Variants in C4BPA observed in about 807,000 individuals in gnomAD.
C4BPA encodes complement component 4 binding protein alpha, also known as C4b-binding protein alpha chain.
In C4BPA, 31 loss-of-function variants were observed where a neutral mutation model predicts 63.7. The ratio of observed to expected loss-of-function variants is 0.49; its 90% CI spans 0.37 to 0.66. The LOEUF (loss-of-function observed/expected upper bound fraction) is 0.66. Ranked by LOEUF, C4BPA falls within the 30% of genes least tolerant of loss-of-function variation. The pLI is 0.00. For missense variants in C4BPA, 572 were observed against 723.3 expected, an observed-to-expected ratio of 0.79 and a Z score of 2.40; for synonymous variants, 259 against 254.7, an observed-to-expected ratio of 1.02 and a Z score of -0.16.
At chr1:207,110,116 G>A (rs1305280760) in intron 1 of C4BPA, among the ~76,000 whole-genome samples, 3 of 152,228 alleles carry the variant, frequency 2.0e-5, no homozygotes, top group Non-Finnish European at 4.4e-5. Flanking sequence ...TTGTGGTTTA[G>A]TGGTGAAGGC....
chr1:207,124,417 AAAAGAG>A (rs767246261), intron 6 of C4BPA, 51 bp downstream of exon 6: 1 of 1,421,286 alleles, frequency 7.0e-7, no homozygotes, highest in South Asian at 1.2e-5. Flanking sequence ...TCTTTTGTTT[AAAAGAG>A]AAAGAAAGGT....
intron 1 of C4BPA, among the ~76,000 whole-genome samples, chr1:207,108,332 A>G (rs1295889609): frequency 6.9e-6 from 1 of 145,134 alleles, no homozygotes; most frequent in African/African-American, 2.9e-5. Context: ...TAAGATAACC[A>G]GTCAGAATTA....
chr1:207,108,836 C>T (rs1312725149), intron 1 of C4BPA, among the ~76,000 whole-genome samples: 1 of 152,096 alleles, frequency 6.6e-6, no homozygotes, highest in African/African-American at 2.4e-5. Flanking sequence ...GATTAACCTG[C>T]CTCAGCCTCC....
chr1:207,134,451 C>A lies in C4BPA; in HGVS notation c.1132C>A (p.His378Asn), dbSNP rs1363224897. 6.2e-7 allele frequency: 1 copy of A among 1,613,922 alleles called. No homozygotes were observed. Among genetic ancestry groups the A allele is most frequent in the South Asian group, 1.1e-5 (1 of 91,060 alleles). Residue 378 changes from histidine (H) to asparagine (N), a missense_variant, in exon 9 of 12, where the codon CAC becomes AAC. Physicochemically the swap from His to Asn is moderately conservative, Grantham distance 68. Coordinates refer to ENST00000367070, the MANE Select transcript of C4BPA (RefSeq NM_000715.4). The part of the protein sequence containing the change: ...PKLNNGEITQ[H>N]RKSRPANHCV... ...GCTAAATAATGGTGAAATCACTCAA[C>A]ACAGGAAAAGTCGTCCTGCCAATCA...
At chr1:207,136,614 G>T (rs1572796735) in intron 9 of C4BPA, among the ~76,000 whole-genome samples, 1 of 152,168 alleles carries the variant, frequency 6.6e-6, no homozygotes, top group Non-Finnish European at 1.5e-5. Flanking sequence ...CTTACAAATT[G>T]TCTTTCAGGA....
In C4BPA at chr1:207,126,893, C is replaced by T. The variant is rs377164344; in HGVS notation, c.887C>T (p.Pro296Leu). Reference protein sequence around the residue: ...KWNPSPPACEPNSCINLPDIP... With the variant: ...KWNPSPPACELNSCINLPDIP... Reference sequence around the variant, plus strand: ...AATCCTTCTCCTCCTGCTTGTGAGCCCAGTAAGTATGGACTGTGACAGAAT... The same window carrying T: ...AATCCTTCTCCTCCTGCTTGTGAGCTCAGTAAGTATGGACTGTGACAGAAT... Residue 296 changes from proline to leucine, a missense_variant and splice_region_variant, in exon 7 of 12, where the codon CCC becomes CTC. Around this residue, in one of 2 missense-constraint regions of C4BPA, gnomAD observed 465 missense variants for 629.4 expected, o/e 0.74. Transcript: ENST00000367070. 1.2e-6 allele frequency: 2 copies of T among 1,610,830 alleles called. No homozygotes were observed.
chr1:207,106,457 T>TTTTTTTTTTTTTTTTTTTTG (rs905722793), intron 1 of C4BPA, among the ~76,000 whole-genome samples: 3 of 129,568 alleles, frequency 2.3e-5, no homozygotes, highest in Admixed American at 7.4e-5. Context: ...TTTTTTTTTT[T>TTTTTTTTTTTTTTTTTTTTG]GAAACGGAGT....
At chr1:207,113,236 G>C in intron 2 of C4BPA, 69 bp downstream of exon 2, 1 of 1,523,480 alleles carries the variant, frequency 6.6e-7, no homozygotes, top group Non-Finnish European at 8.9e-7. Context: ...CACTTTTAAG[G>C]CTAAAAAAAA....
intron 4 of C4BPA, among the ~76,000 whole-genome samples, chr1:207,120,144 A>G (rs988611339): frequency 2.0e-5 from 3 of 152,088 alleles, no homozygotes; most frequent in African/African-American, 4.8e-5. Context: ...AGTCACACCA[A>G]CCATCAAAGT....
At position 207,113,150 on chromosome 1, in the gene C4BPA, T is replaced by A; in HGVS notation, c.125T>A (p.Leu42Gln). 1.9e-6 allele frequency: 3 copies of A among 1,610,806 alleles called. No individual in the cohort carries two copies. Among genetic ancestry groups the A allele is most frequent in the Non-Finnish European group, 2.5e-6 (3 of 1,178,822 alleles). The change falls in exon 2 of 12, where the codon CTG becomes CAG. Residue 42 changes from leucine to glutamine, a missense_variant. Around this residue, in one of 2 missense-constraint regions of C4BPA, gnomAD observed 107 missense variants for 93.9 expected, o/e 1.14. Coordinates refer to ENST00000367070, the MANE Select transcript of C4BPA (RefSeq NM_000715.4). ...TTCCAAATGACCTTGATCGCTGCTC[T>A]GTTGCCTGCTGTTCTTGGTGAGTAG... Reference protein sequence around the residue: ...ILFQMTLIAALLPAVLGNCGP... With the variant: ...ILFQMTLIAAQLPAVLGNCGP...
At chr1:207,137,106 G>A (rs1481958793) in intron 9 of C4BPA, among the ~76,000 whole-genome samples, 4 of 152,118 alleles carry the variant, frequency 2.6e-5, no homozygotes, top group African/African-American at 9.7e-5. Context: ...TACCCTCTTG[G>A]GAAGATCCCC....
intron 7 of C4BPA, among the ~76,000 whole-genome samples, chr1:207,130,300 CA>C (rs2102348317): frequency 6.6e-6 from 1 of 152,090 alleles, no homozygotes; most frequent in Non-Finnish European, 1.5e-5. Context: ...TAGACAATAA[CA>C]AATGTTGGTG....
chr1:207,105,100 C>T (rs1684531172), intron 1 of C4BPA, among the ~76,000 whole-genome samples: 1 of 152,198 alleles, frequency 6.6e-6, no homozygotes, highest in African/African-American at 2.4e-5. Context: ...AATTCTTCAA[C>T]CACTTGTCTC....
chr1:207,116,822 T>A (rs1484296796), intron 4 of C4BPA, among the ~76,000 whole-genome samples: 1 of 152,136 alleles, frequency 6.6e-6, no homozygotes, highest in African/African-American at 2.4e-5. Flanking sequence ...TTAGACTATA[T>A]CTTTTCATAT....
In C4BPA at chr1:207,144,627, C is replaced by T. The variant is rs1308689372; in HGVS notation, c.1704C>T (p.Ala568=). 5 of 1,613,196 alleles carry T rather than the reference C, an allele frequency of 3.1e-6. No individual in the cohort carries two copies. Among genetic ancestry groups the T allele is most frequent in the Admixed American group, 1.7e-5 (1 of 59,982 alleles). The change falls in exon 12 of 12, where the codon GCC becomes GCT. Residue 568 remains alanine (A), a synonymous_variant. Transcript: ENST00000367070. ...CAAACCCAGAGGATGTGAAAATGGC[C>T]CTGGAGGTATATAAGCTGTCTCTGG... ...CLPNPEDVKM[A]LEVYKLSLEI... is the part of the protein sequence containing the mutation.
At chr1:207,142,579 T>A (rs1685443276) in intron 10 of C4BPA, among the ~76,000 whole-genome samples, 1 of 152,108 alleles carries the variant, frequency 6.6e-6, no homozygotes, top group Non-Finnish European at 1.5e-5. Context: ...CTCCAGCATC[T>A]GTTGTTTCCT....
intron 4 of C4BPA, among the ~76,000 whole-genome samples, chr1:207,116,621 T>C (rs1684797082): frequency 6.6e-6 from 1 of 152,012 alleles, no homozygotes; most frequent in Non-Finnish European, 1.5e-5. Context: ...TTTGTATTTA[T>C]GTTGTTAAAT....
At chr1:207,120,314 C>T (rs900518538) in intron 4 of C4BPA, among the ~76,000 whole-genome samples, 5 of 152,154 alleles carry the variant, frequency 3.3e-5, no homozygotes, top group African/African-American at 1.2e-4. Context: ...TTCCATGCAA[C>T]ATTTGGATCA....
chr1:207,128,133 C>G (rs917199408), intron 7 of C4BPA, among the ~76,000 whole-genome samples: 1 of 152,122 alleles, frequency 6.6e-6, no homozygotes, highest in African/African-American at 2.4e-5. Flanking sequence ...GTTGGCTCAG[C>G]AGCCAAGTGG....
Sources: allele counts gnomAD v4.1 joint callset (sites outside exome capture counted in the v4.1 genomes callset), GRCh38; gene constraint gnomAD v4.1.1; regional missense constraint gnomAD v4.1.1; transcripts MANE v1.5; gene names NCBI Gene and HGNC (gene_info 2026-07-23, HGNC 2026-07-21).